SASH1: variants seen among roughly 807,000 people sequenced by gnomAD.
The protein encoded by SASH1 is SAM and SH3 domain-containing protein 1.
Under a neutral mutation model 125.2 loss-of-function variants are expected in SASH1, and 44 were observed. That is an observed-to-expected ratio of 0.35 (90% CI 0.28 to 0.45). The LOEUF (loss-of-function observed/expected upper bound fraction) is 0.45, where lower values mean the gene tolerates loss of function less well. SASH1 is among the 20% of genes least tolerant of loss of function. SASH1 has a pLI of 1.00. For missense variants in SASH1, 1,426 were observed against 1,614.5 expected (o/e 0.88, Z 2.00); for synonymous variants, 639 against 649.1 (o/e 0.98, Z 0.24).
intron 17 of SASH1, among the ~76,000 whole-genome samples, chr6:148,543,166 C>T (rs563967476): frequency 2.0e-5 from 3 of 152,254 alleles, no homozygotes; most frequent in Middle Eastern, 3.4e-3. Flanking sequence ...TTGATTGCTT[C>T]TAGGATAAAC....
chr6:148,435,058 TAAG>T (rs1312093095), intron 2 of SASH1, among the ~76,000 whole-genome samples: 2 of 150,720 alleles, frequency 1.3e-5, no homozygotes, highest in South Asian at 2.1e-4. Flanking sequence ...GGTGAGGAAA[TAAG>T]AAAAAAATAT....
At chr6:148,345,725 A>C (rs1410881125) in intron 1 of SASH1, among the ~76,000 whole-genome samples, 2 of 152,196 alleles carry the variant, frequency 1.3e-5, no homozygotes, top group Non-Finnish European at 2.9e-5. Context: ...TTTTTATTTA[A>C]AATATAAGAT....
intron 10 of SASH1, among the ~76,000 whole-genome samples, chr6:148,522,294 T>C (rs1370471140): frequency 6.6e-6 from 1 of 151,884 alleles, no homozygotes; most frequent in Non-Finnish European, 1.5e-5. Context: ...TTTAACTTTC[T>C]AATTATCCAG....
intron 1 of SASH1, among the ~76,000 whole-genome samples, chr6:148,362,780 T>G (rs9485286): frequency 2.6e-5 from 4 of 151,808 alleles, no homozygotes; most frequent in Non-Finnish European, 5.9e-5. Context: ...CCCAGGAGGT[T>G]GAGGCTGCAG....
chr6:148,503,726 G>A (rs907708038), intron 8 of SASH1, among the ~76,000 whole-genome samples: 5 of 150,790 alleles, frequency 3.3e-5, no homozygotes, highest in African/African-American at 9.8e-5. Flanking sequence ...TAGAGGAGTT[G>A]GAGGAGGTAA....
At chr6:148,277,804 C>T (rs537295657) in intron 1 of SASH1, among the ~76,000 whole-genome samples, 4 of 152,216 alleles carry the variant, frequency 2.6e-5, no homozygotes, top group East Asian at 1.9e-4. Flanking sequence ...GCAAGCTCCG[C>T]CTCCCGGGTT....
At chr6:148,311,589 A>G (rs1465014169) in intron 1 of SASH1, among the ~76,000 whole-genome samples, 1 of 152,088 alleles carries the variant, frequency 6.6e-6, no homozygotes. Flanking sequence ...GGATTGCTGG[A>G]GCCCAGGAGT....
chr6:148,414,588 G>T (rs1453807937), intron 2 of SASH1, among the ~76,000 whole-genome samples: 2 of 152,198 alleles, frequency 1.3e-5, no homozygotes, highest in Non-Finnish European at 2.9e-5. Flanking sequence ...AACGTGCCAG[G>T]CACTGGTCTA....
the SASH1 span, among the ~76,000 whole-genome samples, chr6:148,237,058 A>C: frequency 6.6e-6 from 1 of 152,160 alleles, no homozygotes; most frequent in Non-Finnish European, 1.5e-5. Flanking sequence ...TGAGAAATAC[A>C]TTTCTATTCT....
intron 1 of SASH1, among the ~76,000 whole-genome samples, chr6:148,295,333 T>C (rs1393358164): frequency 1.3e-5 from 2 of 152,206 alleles, no homozygotes; most frequent in African/African-American, 4.8e-5. Context: ...CACACGTGCA[T>C]ACTTTATCTC....
the SASH1 span, among the ~76,000 whole-genome samples, chr6:148,254,025 G>A: frequency 6.6e-6 from 1 of 152,022 alleles, no homozygotes; most frequent in Non-Finnish European, 1.5e-5. Context: ...GGACAACATG[G>A]TGGAACTCCA....
intron 2 of SASH1, among the ~76,000 whole-genome samples, chr6:148,423,591 C>T (rs79301248): frequency 6.6e-6 from 1 of 152,170 alleles, no homozygotes; most frequent in African/African-American, 2.4e-5. Flanking sequence ...TATTCAGTCA[C>T]CCAATCTGCA....
At chr6:148,339,389 CATT>C (rs1781259672), upstream of SASH1, among the ~76,000 whole-genome samples, 1 of 151,466 alleles carries the variant, frequency 6.6e-6, no homozygotes, top group African/African-American at 2.4e-5. Context: ...TCTCCCAAAA[CATT>C]ATCTCATTTC....
chr6:148,350,969 G>A (rs1192910347), intron 1 of SASH1, among the ~76,000 whole-genome samples: 1 of 152,120 alleles, frequency 6.6e-6, no homozygotes, highest in Non-Finnish European at 1.5e-5. Context: ...GATGTTGAAC[G>A]TCCCTTCTTT....
chr6:148,449,079 T>A (rs867409656), intron 4 of SASH1, among the ~76,000 whole-genome samples: 2 of 61,428 alleles, frequency 3.3e-5, no homozygotes, highest in Admixed American at 3.2e-4. Context: ...ATTTCATTTC[T>A]TTTTTTTTTT....
intron 1 of SASH1, among the ~76,000 whole-genome samples, chr6:148,370,095 TGTAA>T (rs1428908858): frequency 6.6e-6 from 1 of 151,282 alleles, no homozygotes; most frequent in East Asian, 1.9e-4. Context: ...TTTTCTCTTT[TGTAA>T]GTGGAAGGCA....
chr6:148,258,650 G>A, the SASH1 span, among the ~76,000 whole-genome samples: 3,768 of 152,250 alleles, frequency 0.025, 148 homozygotes, highest in African/African-American at 0.085. Context: ...TAAGGCACAC[G>A]TACAAAGAAT....
At chr6:148,267,607 T>G (rs1778977926), upstream of SASH1, among the ~76,000 whole-genome samples, 1 of 152,088 alleles carries the variant, frequency 6.6e-6, no homozygotes, top group Non-Finnish European at 1.5e-5. Flanking sequence ...CTCAATCTCC[T>G]GACCTCATGA....
chr6:148,224,626 G>T, the SASH1 span, among the ~76,000 whole-genome samples: 1 of 152,094 alleles, frequency 6.6e-6, no homozygotes, highest in African/African-American at 2.4e-5. Context: ...CTCCCAAAGT[G>T]CTGAGATTGC....
Sources: allele counts gnomAD v4.1 joint callset (sites outside exome capture counted in the v4.1 genomes callset), GRCh38; gene constraint gnomAD v4.1.1; transcripts MANE v1.5; gene names NCBI Gene and HGNC (gene_info 2026-07-23, HGNC 2026-07-21).